The following KLHL22 variants were observed in gnomAD, a reference collection of about 807,000 sequenced individuals.
KLHL22 encodes the protein kelch-like protein 22.
A neutral mutation model predicts 60.7 loss-of-function variants in KLHL22; 18 were observed. The ratio of observed to expected loss-of-function variants is 0.30; its 90% CI spans 0.20 to 0.44. KLHL22 has a LOEUF of 0.44. KLHL22 is among the 20% of genes least tolerant of loss of function. The probability of loss-of-function intolerance (pLI) is 1.00; values close to 1 mark genes in which losing one functional copy is unlikely to be tolerated. For missense variants in KLHL22, 596 were observed against 852.3 expected (o/e 0.70, Z 3.74); for synonymous variants, 355 against 354.5 (o/e 1.00, Z -0.01).
At chr22:20,458,114 T>C in intron 4 of KLHL22, 114 bp from the exon 5 acceptor site, 2 of 1,123,214 alleles carry the variant, frequency 1.8e-6, no homozygotes, top group Non-Finnish European at 2.5e-6. Context: ...GCCTGAACCC[T>C]CCCCAACTAC....
chr22:20,485,895 GGT>G (rs1442937278), intron 2 of KLHL22, among the ~76,000 whole-genome samples: 12 of 149,890 alleles, frequency 8.0e-5, no homozygotes, highest in Non-Finnish European at 1.3e-4. Context: ...GGCTGGGCGT[GGT>G]GTGGCTCACA....
rs1397389693 is a variant in KLHL22, at chr22:20,465,899, T to TC, written c.394-324dup. Among the ~76,000 whole-genome samples, 1 of 151,612 alleles carries TC rather than the reference T, an allele frequency of 6.6e-6. No individual in the cohort carries two copies. The highest frequency in any genetic ancestry group is 2.4e-5 in the African/African-American group (1 of 41,276). Reference sequence around the variant, plus strand: ...GGCAGAATCTCGGCTCACTAACACCTCCCCCTCCCGGGTTGAAATGATTCT... The same window carrying TC: ...GGCAGAATCTCGGCTCACTAACACCTCCCCCCTCCCGGGTTGAAATGATTCT... On this transcript the variant is annotated intron_variant, in intron 3 of 6. Transcript: ENST00000328879. The surrounding 1 kb of genome is among the most constrained non-coding windows in gnomAD (Gnocchi z 4.9).
rs2053748524 is a variant in KLHL22 at position 20,495,098 on chromosome 22, G to A, written c.-34+662C>T. ...CGTCTTGGAGGCACTCGGCCCCGCG[G>A]AGGGCCGGAGCGAGGGCGCCCAGTG... is the stretch of plus-strand genomic sequence containing the variant. On this transcript the variant is annotated intron_variant, in intron 1 of 6. Coordinates refer to ENST00000328879, the MANE Select transcript of KLHL22 (RefSeq NM_032775.4). The surrounding 1 kb of genome is among the most constrained non-coding windows in gnomAD (Gnocchi z 4.6). Among the ~76,000 whole-genome samples, 1 of 152,306 alleles carries A rather than the reference G, an allele frequency of 6.6e-6. No homozygotes were observed. Among genetic ancestry groups the A allele is most frequent in the Non-Finnish European group, 1.5e-5 (1 of 68,018 alleles).
At chr22:20,442,966 T>C (rs2052788144) in intron 6 of KLHL22, among the ~76,000 whole-genome samples, 1 of 152,338 alleles carries the variant, frequency 6.6e-6, no homozygotes, top group African/African-American at 2.4e-5. Context: ...CAATATTCTC[T>C]TGTCTTCAAA....
intron 2 of KLHL22, chr22:20,483,265 ACTGTGGTGCTCTCCT>A (rs2053534818): frequency 1.1e-5 from 8 of 699,938 alleles, no homozygotes; most frequent in South Asian, 5.6e-5. Context: ...CATGGTGACC[ACTGTGGTGCTCTCCT>A]CAATCTGCTG....
intron 5 of KLHL22, chr22:20,451,786 C>T (rs1329239053): frequency 2.4e-5 from 39 of 1,600,028 alleles, no homozygotes; most frequent in Non-Finnish European, 1.4e-5. Context: ...GGGAACCCAG[C>T]GCTGTGATGC....
intron 5 of KLHL22, among the ~76,000 whole-genome samples, chr22:20,453,235 C>T (rs1237419642): frequency 2.7e-5 from 4 of 149,394 alleles, no homozygotes; most frequent in African/African-American, 9.9e-5. Flanking sequence ...AATCAATGGT[C>T]TCAAAAAAAA....
chr22:20,453,738 T>C lies in KLHL22; in HGVS notation c.1305+4070A>G, dbSNP rs73156952. ...TTTATTTTATTTATTTTGAAATTTA[T>C]TTTATTATTATTTTTTGAGACAGTC... On this transcript the variant is annotated intron_variant, in intron 5 of 6. Transcript: ENST00000328879. 5.9e-3 allele frequency among the ~76,000 whole-genome samples: 906 copies of C among 152,300 alleles called. 4 individuals are homozygous for C. The highest frequency in any genetic ancestry group is 0.011 in the Admixed American group (163 of 15,300).
intron 2 of KLHL22, chr22:20,483,531 G>T: frequency 4.1e-6 from 3 of 725,448 alleles, no homozygotes; most frequent in Non-Finnish European, 5.1e-6. Context: ...GAGGGACATT[G>T]GTGTCATCAA....
At chr22:20,484,363 C>G (rs1017194983) in intron 2 of KLHL22, among the ~76,000 whole-genome samples, 11 of 152,108 alleles carry the variant, frequency 7.2e-5, no homozygotes, top group Non-Finnish European at 4.4e-5. Flanking sequence ...GACGCGATCT[C>G]AGCTCACTAC....
chr22:20,487,221 C>G (rs1232593791), intron 2 of KLHL22, among the ~76,000 whole-genome samples: 1 of 151,674 alleles, frequency 6.6e-6, no homozygotes, highest in African/African-American at 2.4e-5. Context: ...CATCCAGCCT[C>G]TTTTTTGTTT....
chr22:20,460,669 T>C (rs1034215566), intron 4 of KLHL22, among the ~76,000 whole-genome samples: 2 of 136,204 alleles, frequency 1.5e-5, no homozygotes, highest in Non-Finnish European at 1.6e-5. Context: ...TGATACCATA[T>C]GTCAATAATT....
Position 20,446,644 on chromosome 22 carries a change from C to A in KLHL22, c.1338G>T (p.Gly446=). 1.9e-6 allele frequency: 3 copies of A among 1,612,754 alleles called. No homozygotes were observed. Among genetic ancestry groups the A allele is most frequent in the Non-Finnish European group, 2.5e-6 (3 of 1,180,044 alleles). The change falls in exon 6 of 7, where the codon GGG becomes GGT. Residue 446 remains glycine, a synonymous_variant. Coordinates refer to ENST00000328879, the MANE Select transcript of KLHL22 (RefSeq NM_032775.4). ...VYAHAGATLE[G]KMYITCGRRG... is the part of the protein sequence containing the mutation. ...TGCGGCCGCAGGTGATATACATCTT[C>A]CCCTCCAGCGTCGCGCCTGCGTGGG... is the stretch of plus-strand genomic sequence containing the variant.
intron 4 of KLHL22, among the ~76,000 whole-genome samples, chr22:20,461,278 G>A (rs2053149976): frequency 6.6e-6 from 1 of 152,178 alleles, no homozygotes; most frequent in South Asian, 2.1e-4. Flanking sequence ...CTGTGGCCAG[G>A]CACGGTGGCT....
At chr22:20,488,887 G>A in intron 2 of KLHL22, 98 bp downstream of exon 2, 1 of 1,157,556 alleles carries the variant, frequency 8.6e-7, no homozygotes, top group Non-Finnish European at 1.2e-6. Flanking sequence ...AGGCTCTGAG[G>A]TGAGCAGGAG....
chr22:20,465,622 A>G lies in KLHL22; in HGVS notation c.394-46T>C, dbSNP rs370782660. 2.1e-6 allele frequency: 2 copies of G among 937,782 alleles called. No individual in the cohort carries two copies. Among genetic ancestry groups the G allele is most frequent in the Non-Finnish European group, 3.6e-6 (2 of 563,204 alleles). 58.1% of individuals were successfully genotyped at this position (937,782 alleles called of 1,614,324 possible). On this transcript the variant is annotated intron_variant, in intron 3 of 6. Transcript: ENST00000328879. This position sits in a 1 kb window ranked among gnomAD's most constrained non-coding sequence, Gnocchi z 4.9. Reference sequence around the variant, plus strand: ...ATTCAAGCCTGGGCTGGTGAACAGCATCTGGGGGTGGGAGAGAGAATGATG... The same window carrying G: ...ATTCAAGCCTGGGCTGGTGAACAGCGTCTGGGGGTGGGAGAGAGAATGATG...
At chr22:20,494,111 G>C (rs1462377105) in intron 1 of KLHL22, among the ~76,000 whole-genome samples, 8 of 151,516 alleles carry the variant, frequency 5.3e-5, no homozygotes, top group Admixed American at 5.3e-4. Flanking sequence ...AGTAGGCTGG[G>C]CATGGTGGCT....
intron 2 of KLHL22, among the ~76,000 whole-genome samples, chr22:20,475,584 C>T (rs547861603): frequency 2.9e-4 from 43 of 149,868 alleles, no homozygotes; most frequent in Non-Finnish European, 4.9e-4. Context: ...TTTTTTAAGA[C>T]GAAGTCTCAC....
chr22:20,443,634 G>GCC (rs2052804259), intron 6 of KLHL22, among the ~76,000 whole-genome samples: 1 of 152,166 alleles, frequency 6.6e-6, no homozygotes, highest in South Asian at 2.1e-4. Context: ...AGCTACTCGG[G>GCC]AGGCTGAGGC....
Sources: gnomAD v4.1 joint callset for allele counts (sites outside exome capture counted in the v4.1 genomes callset) on GRCh38, gnomAD v4.1.1 for gene constraint, Gnocchi (gnomAD v3.1) non-coding constraint, MANE v1.5 for transcripts, NCBI Gene and HGNC (gene_info 2026-07-23, HGNC 2026-07-21) for gene names.